HEMK2: variants seen among roughly 807,000 people sequenced by gnomAD.
The protein encoded by HEMK2 is HemK methyltransferase 2, ETF1 glutamine and histone H4 lysine, also known as methyltransferase HEMK2.
chr21:28,768,594 G>C, the HEMK2 span, among the ~76,000 whole-genome samples: 1 of 151,928 alleles, frequency 6.6e-6, no homozygotes, highest in Non-Finnish European at 1.5e-5. Context: ...TCCTGGATAG[G>C]GAACAAGAAG....
chr21:28,768,490 C>G, the HEMK2 span, among the ~76,000 whole-genome samples: 12 of 152,140 alleles, frequency 7.9e-5, no homozygotes, highest in East Asian at 2.3e-3. Context: ...TCCATCATCC[C>G]ACACTCAATT....
the HEMK2 span, among the ~76,000 whole-genome samples, chr21:28,612,303 C>T: frequency 1.3e-5 from 2 of 152,040 alleles, no homozygotes; most frequent in South Asian, 2.1e-4. Context: ...ATGCTATATA[C>T]CACACAAACA....
the HEMK2 span, among the ~76,000 whole-genome samples, chr21:28,742,088 T>C: frequency 3.1e-4 from 47 of 152,272 alleles, no homozygotes; most frequent in Non-Finnish European, 5.6e-4. Context: ...TAAAGTATTG[T>C]TGGAACACAG....
At chr21:28,594,139 GA>G in the HEMK2 span, among the ~76,000 whole-genome samples, 2 of 152,218 alleles carry the variant, frequency 1.3e-5, no homozygotes, top group South Asian at 2.1e-4. Context: ...AACCCAAATT[GA>G]GGGACATTTT....
chr21:28,885,328 G>T, the HEMK2 span: 1 of 1,582,448 alleles, frequency 6.3e-7, no homozygotes, highest in Non-Finnish European at 8.6e-7. Context: ...ACGGCGTAGC[G>T]AAGTTCTCCC....
chr21:28,698,445 G>T, the HEMK2 span, among the ~76,000 whole-genome samples: 3 of 152,116 alleles, frequency 2.0e-5, no homozygotes, highest in East Asian at 5.8e-4. Flanking sequence ...CATTATAATT[G>T]TAATTACTTG....
chr21:28,590,669 C>A, the HEMK2 span, among the ~76,000 whole-genome samples: 1 of 152,184 alleles, frequency 6.6e-6, no homozygotes, highest in African/African-American at 2.4e-5. Flanking sequence ...AATTATGAAG[C>A]AGCAGGGAAA....
At chr21:28,605,390 C>T in the HEMK2 span, among the ~76,000 whole-genome samples, 4 of 152,206 alleles carry the variant, frequency 2.6e-5, no homozygotes, top group Non-Finnish European at 5.9e-5. Context: ...ATAGAGAGTG[C>T]AGTGGAGAAT....
At chr21:28,676,242 T>C in the HEMK2 span, among the ~76,000 whole-genome samples, 1 of 152,228 alleles carries the variant, frequency 6.6e-6, no homozygotes, top group Non-Finnish European at 1.5e-5. Context: ...GGTTGATTTC[T>C]CCTGAGGCCT....
At chr21:28,812,430 T>C in the HEMK2 span, among the ~76,000 whole-genome samples, 3 of 152,240 alleles carry the variant, frequency 2.0e-5, no homozygotes, top group African/African-American at 7.2e-5. Context: ...GTTCTGTTTA[T>C]GTGATGGATT....
the HEMK2 span, among the ~76,000 whole-genome samples, chr21:28,788,554 G>T: frequency 6.6e-6 from 1 of 152,056 alleles, no homozygotes; most frequent in African/African-American, 2.4e-5. Flanking sequence ...AGGGATAAAA[G>T]ACTACAAATA....
the HEMK2 span, among the ~76,000 whole-genome samples, chr21:28,765,736 CA>C: frequency 6.6e-6 from 1 of 151,994 alleles, no homozygotes; most frequent in African/African-American, 2.4e-5. Context: ...AGGTCAGAAT[CA>C]ACCTCCAAAC....
the HEMK2 span, among the ~76,000 whole-genome samples, chr21:28,760,266 G>A: frequency 1.3e-5 from 2 of 152,196 alleles, no homozygotes; most frequent in Non-Finnish European, 2.9e-5. Flanking sequence ...TATTTCTAGA[G>A]TCAATTATCA....
At chr21:28,691,233 G>A in the HEMK2 span, among the ~76,000 whole-genome samples, 2,427 of 121,050 alleles carry the variant, frequency 0.02, 65 homozygotes, top group African/African-American at 0.089. Flanking sequence ...ATTACCCAGT[G>A]AGACAGTTCA....
the HEMK2 span, among the ~76,000 whole-genome samples, chr21:28,598,859 A>G: frequency 0.018 from 2,705 of 152,336 alleles, 103 homozygotes; most frequent in African/African-American, 0.063. Flanking sequence ...ATGCCACAGA[A>G]TCCAGCCTGA....
the HEMK2 span, among the ~76,000 whole-genome samples, chr21:28,794,546 G>C: frequency 6.6e-6 from 1 of 152,220 alleles, no homozygotes. Flanking sequence ...CTGTTGTTCA[G>C]ATCAGCAGGT....
At chr21:28,812,639 A>C in the HEMK2 span, among the ~76,000 whole-genome samples, 1 of 152,202 alleles carries the variant, frequency 6.6e-6, no homozygotes, top group Non-Finnish European at 1.5e-5. Flanking sequence ...TATCAGGATT[A>C]TGCTGGACTC....
the HEMK2 span, among the ~76,000 whole-genome samples, chr21:28,783,520 A>C: frequency 4.6e-5 from 7 of 152,296 alleles, no homozygotes; most frequent in African/African-American, 1.4e-4. Flanking sequence ...GCATAAAACA[A>C]AGTTTTGACT....
the HEMK2 span, among the ~76,000 whole-genome samples, chr21:28,880,940 A>AAAC: frequency 6.7e-6 from 1 of 149,824 alleles, no homozygotes; most frequent in Non-Finnish European, 1.5e-5. Context: ...AAAAAAAAAA[A>AAAC]AAAAAAAAAA....
Sources: gnomAD v4.1 joint callset for allele counts (sites outside exome capture counted in the v4.1 genomes callset) on GRCh38, gnomAD v4.1.1 for gene constraint, MANE v1.5 for transcripts, NCBI Gene and HGNC (gene_info 2026-07-23, HGNC 2026-07-21) for gene names.